The following ZNF804B variants were observed in gnomAD, a reference collection of about 807,000 sequenced individuals.
ZNF804B encodes the protein zinc finger 804B.
In ZNF804B, 80 loss-of-function variants were observed where a neutral mutation model predicts 101.4. The observed-to-expected ratio is 0.79, with a 90% CI of 0.66 to 0.95. The LOEUF (loss-of-function observed/expected upper bound fraction) is 0.95, where lower values mean the gene tolerates loss of function less well. ZNF804B is among the 40% of genes least tolerant of loss of function. ZNF804B has a pLI of 0.00. For missense variants in ZNF804B, 1,673 were observed against 1,561.9 expected (o/e 1.07, Z -1.20); for synonymous variants, 622 against 558.8 (o/e 1.11, Z -1.59).
chr7:89,275,081 A>C (rs888637220), intron 2 of ZNF804B, among the ~76,000 whole-genome samples: 1 of 151,988 alleles, frequency 6.6e-6, no homozygotes, highest in African/African-American at 2.4e-5. Context: ...TCTAATAGGC[A>C]TCTGAAAATT....
chr7:89,146,911 C>A (rs572091809), intron 1 of ZNF804B, among the ~76,000 whole-genome samples: 39 of 151,646 alleles, frequency 2.6e-4, no homozygotes, highest in African/African-American at 9.4e-4. Context: ...ACCTGTTAAT[C>A]CCAACTACTT....
intron 1 of ZNF804B, among the ~76,000 whole-genome samples, chr7:89,108,365 G>C (rs1484829210): frequency 6.6e-6 from 1 of 152,072 alleles, no homozygotes. Flanking sequence ...GGAAGAAGTT[G>C]TGGAGTCACT....
chr7:89,157,888 G>A (rs1465793972), intron 1 of ZNF804B, among the ~76,000 whole-genome samples: 2 of 152,086 alleles, frequency 1.3e-5, no homozygotes, highest in African/African-American at 2.4e-5. Context: ...AAACTAAAGT[G>A]GAAAATGTAC....
At chr7:89,250,558 C>A (rs765003532) in intron 2 of ZNF804B, among the ~76,000 whole-genome samples, 1 of 152,042 alleles carries the variant, frequency 6.6e-6, no homozygotes, top group Non-Finnish European at 1.5e-5. Context: ...TCCAGAAAAT[C>A]AAGGAGGAGG....
intron 1 of ZNF804B, among the ~76,000 whole-genome samples, chr7:88,893,916 AT>A (rs1421710908): frequency 1.4e-4 from 22 of 152,244 alleles, no homozygotes; most frequent in African/African-American, 5.1e-4. Context: ...CATTCTGATG[AT>A]TTTCTTTAAA....
chr7:88,816,400 A>G (rs953668339), intron 1 of ZNF804B, among the ~76,000 whole-genome samples: 1 of 152,224 alleles, frequency 6.6e-6, no homozygotes, highest in African/African-American at 2.4e-5. Context: ...ATTAAACTAA[A>G]GAGCTTCTGC....
chr7:88,918,741 G>A (rs879659575), intron 1 of ZNF804B, among the ~76,000 whole-genome samples: 1 of 151,994 alleles, frequency 6.6e-6, no homozygotes, highest in South Asian at 2.1e-4. Flanking sequence ...CCCTGGCATC[G>A]GTGTCCAAGG....
rs1478317492 is a variant in ZNF804B, at chr7:88,763,762, GATA to G, written c.108+3679_108+3681del. Among the ~76,000 whole-genome samples the G allele has an allele frequency of 2.5e-4, 13 of 52,384 alleles. No individual in the cohort carries two copies. In the African/African-American group the frequency reaches 5.1e-3, roughly 21 times the overall value. The allele number at this position is 52,384 out of a possible 152,430, so 34.4% of individuals were successfully genotyped here. On this transcript the variant is annotated intron_variant, in intron 1 of 3. Coordinates refer to ENST00000333190, the MANE Select transcript of ZNF804B (RefSeq NM_181646.5). The stretch of plus-strand genomic sequence containing the variant: ...TATATACATTATAGACAGAAAAATA[GATA>G]GATAGATAGATAGATAGATACACAT...
intron 2 of ZNF804B, among the ~76,000 whole-genome samples, chr7:89,256,021 A>G (rs1789627204): frequency 6.6e-6 from 1 of 152,156 alleles, no homozygotes; most frequent in Admixed American, 6.5e-5. Flanking sequence ...AAAAGTATTA[A>G]AAGCACATTA....
At chr7:89,142,215 T>TA (rs1264733605) in intron 1 of ZNF804B, among the ~76,000 whole-genome samples, 13 of 150,736 alleles carry the variant, frequency 8.6e-5, no homozygotes, top group African/African-American at 2.2e-4. Flanking sequence ...AGCATTGTCC[T>TA]AAAAAAAAAG....
intron 1 of ZNF804B, among the ~76,000 whole-genome samples, chr7:88,924,217 G>T (rs928238257): frequency 4.6e-5 from 7 of 152,000 alleles, no homozygotes; most frequent in Admixed American, 2.6e-4. Context: ...CATTCTAAAT[G>T]CTGTTAATGA....
intron 2 of ZNF804B, among the ~76,000 whole-genome samples, chr7:89,273,358 C>A (rs1168970700): frequency 6.6e-6 from 1 of 152,032 alleles, no homozygotes; most frequent in Non-Finnish European, 1.5e-5. Flanking sequence ...ATCAGCATTT[C>A]TAATGACATC....
intron 1 of ZNF804B, among the ~76,000 whole-genome samples, chr7:88,995,003 G>A (rs1793900070): frequency 6.6e-6 from 1 of 152,032 alleles, no homozygotes; most frequent in African/African-American, 2.4e-5. Context: ...TGATTTTGTT[G>A]TTATGTCATT....
chr7:88,855,763 TC>T (rs1791546406), intron 1 of ZNF804B, among the ~76,000 whole-genome samples: 1 of 152,196 alleles, frequency 6.6e-6, no homozygotes, highest in Admixed American at 6.5e-5. Context: ...CTTTAATCCA[TC>T]TTGAATTAAT....
rs1300127786 is a variant in ZNF804B, at chr7:89,007,444, TTTTATA to T, written c.109-210709_109-210704del. Among the ~76,000 whole-genome samples, 318 of 47,692 alleles carry T rather than the reference TTTTATA, an allele frequency of 6.7e-3. 7 individuals are homozygous for T. Among genetic ancestry groups the T allele is most frequent in the African/African-American group, 0.017 (168 of 10,020 alleles). 31.3% of individuals were successfully genotyped at this position (47,692 alleles called of 152,430 possible). On this transcript the variant is annotated intron_variant, in intron 1 of 3. Transcript: ENST00000333190. Reference sequence around the variant, plus strand: ...ACATGTTATCTAAAGTTATCCATGATTTTATATATATATATATATATATATATATAT... The same window carrying T: ...ACATGTTATCTAAAGTTATCCATGATTATATATATATATATATATATATAT...
At chr7:89,195,622 C>T (rs1788535221) in intron 1 of ZNF804B, among the ~76,000 whole-genome samples, 1 of 151,308 alleles carries the variant, frequency 6.6e-6, no homozygotes, top group African/African-American at 2.4e-5. Context: ...CCTAGGAATC[C>T]AACTTACAGG....
chr7:88,893,451 C>T (rs1455671139), intron 1 of ZNF804B, among the ~76,000 whole-genome samples: 1 of 151,944 alleles, frequency 6.6e-6, no homozygotes, highest in Non-Finnish European at 1.5e-5. Flanking sequence ...TTAATAAATA[C>T]ATACCCTGCC....
intron 2 of ZNF804B, among the ~76,000 whole-genome samples, chr7:89,246,553 T>C (rs1789450199): frequency 6.6e-6 from 1 of 152,042 alleles, no homozygotes; most frequent in Non-Finnish European, 1.5e-5. Flanking sequence ...GAGATCCTGG[T>C]GTAAGGAGCT....
chr7:88,877,959 G>A (rs142985318), intron 1 of ZNF804B, among the ~76,000 whole-genome samples: 59 of 152,062 alleles, frequency 3.9e-4, no homozygotes, highest in African/African-American at 1.3e-3. Flanking sequence ...TATTTCAGAG[G>A]TGAAACAACA....
Sources: gnomAD v4.1 joint callset for allele counts (sites outside exome capture counted in the v4.1 genomes callset) on GRCh38, gnomAD v4.1.1 for gene constraint, MANE v1.5 for transcripts, NCBI Gene and HGNC (gene_info 2026-07-23, HGNC 2026-07-21) for gene names.